The following USP35 variants were observed in gnomAD, a reference collection of about 807,000 sequenced individuals.
USP35 encodes the protein ubiquitin carboxyl-terminal hydrolase 35.
A neutral mutation model predicts 83.8 loss-of-function variants in USP35; 69 were observed. The ratio of observed to expected loss-of-function variants is 0.82; its 90% confidence interval spans 0.68 to 1.01. The LOEUF (loss-of-function observed/expected upper bound fraction) is 1.01. Among genes scored for constraint, USP35 ranks in the 50% least tolerant of loss-of-function variants. The pLI is 0.00. For missense variants in USP35, 1,503 were observed against 1,362.5 expected (o/e 1.10, Z -1.62); for synonymous variants, 714 against 589.5 (o/e 1.21, Z -3.06).
intron 6 of USP35, among the ~76,000 whole-genome samples, chr11:78,202,806 C>T (rs891787305): frequency 4.6e-5 from 7 of 152,134 alleles, no homozygotes; most frequent in Non-Finnish European, 8.8e-5. Flanking sequence ...GTTTCTACAT[C>T]GAAAGGGAGG....
At chr11:78,208,835 C>T (rs756743312) in intron 8 of USP35, 22 bp from the exon 9 acceptor site, 2 of 1,613,370 alleles carry the variant, frequency 1.2e-6, no homozygotes, top group African/African-American at 2.7e-5. Context: ...CCTGACCATG[C>T]CTTTCGCCTG....
At chr11:78,226,468 G>A in the USP35 span, 1 of 1,611,172 alleles carries the variant, frequency 6.2e-7, no homozygotes, top group Non-Finnish European at 8.5e-7. Context: ...TACTGACCTC[G>A]GTGAAGTCGG....
At position 78,198,054 on chromosome 11, in the gene USP35, G is replaced by A. The variant is rs763730651; in HGVS notation, c.792G>A (p.Leu264=). 5 of 1,614,108 alleles carry A rather than the reference G, an allele frequency of 3.1e-6. No individual in the cohort carries two copies. The highest frequency in any genetic ancestry group is 1.7e-5 in the Admixed American group (1 of 60,012). Residue 264 remains leucine (L), a synonymous_variant, in exon 3 of 11, where the codon CTG becomes CTA. Coordinates refer to ENST00000529308, the MANE Select transcript of USP35 (RefSeq NM_020798.4). The stretch of plus-strand genomic sequence containing the variant: ...ACAGTGTGACAGACTCGCAGATGCT[G>A]ACTGCCATTAGCAGGTGGGACGCTG... ...NDDSVTDSQM[L]TAISRMIDWV... is the part of the protein sequence containing the mutation.
chr11:78,217,706 C>T (rs1249630651), downstream of USP35: 1 of 152,280 alleles, frequency 6.6e-6, no homozygotes, highest in African/African-American at 2.4e-5. Context: ...ATGCCCTACA[C>T]CCCGTCCCTG....
Position 78,205,861 on chromosome 11 carries a change from A to AGG in USP35, c.1218_1219dup (p.Asp407GlyfsTer67), listed in dbSNP as rs1287378587. 1 of 1,613,728 alleles carries AGG rather than the reference A, an allele frequency of 6.2e-7. No individual in the cohort carries two copies. The highest frequency in any genetic ancestry group is 8.5e-7 in the Non-Finnish European group (1 of 1,179,686). ...CCTCAGGACCTCCATGTTCCCAATG[A>AGG]GGACCGCATCAAGCAGCTGCTGGGG... On this transcript the variant is annotated frameshift_variant, in exon 7 of 11. Coordinates refer to ENST00000529308, the MANE Select transcript of USP35 (RefSeq NM_020798.4). LOFTEE classifies it high-confidence loss of function.
At chr11:78,205,333 C>T (rs746767053) in intron 6 of USP35, among the ~76,000 whole-genome samples, 8 of 152,288 alleles carry the variant, frequency 5.3e-5, no homozygotes, top group Non-Finnish European at 1.0e-4. Flanking sequence ...ACCATGAAAA[C>T]GTAGGATGCC....
At chr11:78,200,893 G>A in intron 6 of USP35, 85 bp downstream of exon 6, 1 of 1,498,954 alleles carries the variant, frequency 6.7e-7, no homozygotes, top group Non-Finnish European at 8.9e-7. Context: ...ACCACAGCTT[G>A]GTGGCAGTCC....
chr11:78,195,410 C>A (rs1264337926), intron 1 of USP35, among the ~76,000 whole-genome samples: 1 of 152,122 alleles, frequency 6.6e-6, no homozygotes, highest in African/African-American at 2.4e-5. Context: ...GGAGTCTAGC[C>A]AAGGGGTAGG....
In USP35 at chr11:78,210,370, G is replaced by GGTGGCC; in HGVS notation, c.2522_2527dup (p.Arg841_Gly842dup). ...CCTGCTGCTCCGCCTGCCACTGGCTGGTGGCCGTGGCCAGGCCTATGACCT... is the reference window on the plus strand; with the variant it reads ...CCTGCTGCTCCGCCTGCCACTGGCTGGTGGCCGTGGCCGTGGCCAGGCCTATGACCT... On this transcript the variant is annotated inframe_insertion, in exon 10 of 11. Coordinates refer to ENST00000529308, the MANE Select transcript of USP35 (RefSeq NM_020798.4). 1 of 1,613,598 alleles carries GGTGGCC rather than the reference G, an allele frequency of 6.2e-7. No homozygotes were observed. Among genetic ancestry groups the GGTGGCC allele is most frequent in the Non-Finnish European group, 8.5e-7 (1 of 1,179,942 alleles).
chr11:78,200,242 C>A lies in USP35; in HGVS notation c.1038+8C>A. 1 of 1,613,578 alleles carries A rather than the reference C, an allele frequency of 6.2e-7. No homozygotes were observed. The highest frequency in any genetic ancestry group is 8.5e-7 in the Non-Finnish European group (1 of 1,179,626). On this transcript the variant is annotated splice_region_variant and intron_variant, in intron 5 of 10. Coordinates refer to ENST00000529308, the MANE Select transcript of USP35 (RefSeq NM_020798.4). ...CACGAAGCCTTCCACCTGGTAAGGT[C>A]CCCTGCCTGCTGCCCCTGGTGAGGC...
At chr11:78,219,858 C>T (rs751136241), downstream of USP35, among the ~76,000 whole-genome samples, 18 of 152,174 alleles carry the variant, frequency 1.2e-4, no homozygotes, top group Non-Finnish European at 2.1e-4. Flanking sequence ...AGCTCTGCAC[C>T]CTTCTGTCTA....
Position 78,203,887 on chromosome 11 carries a change from C to CTTTTTTTT in USP35, c.1198-1951_1198-1950insTTTTTTTT, listed in dbSNP as rs200697593. On this transcript the variant is annotated intron_variant, in intron 6 of 10. Coordinates refer to ENST00000529308, the MANE Select transcript of USP35 (RefSeq NM_020798.4). ...GCCACTGTACCCAGCCCATATTTTT[C>CTTTTTTTT]TTTTCTTTTTTTTTTTTTTTTGAGA... Among the ~76,000 whole-genome samples, 51 of 124,438 alleles carry CTTTTTTTT rather than the reference C, an allele frequency of 4.1e-4. 3 individuals are homozygous for CTTTTTTTT. Among genetic ancestry groups the CTTTTTTTT allele is most frequent in the Middle Eastern group, 4.8e-3 (1 of 208 alleles). The allele number at this position is 124,438 out of a possible 152,430, so 81.6% of individuals were successfully genotyped here. A position where few individuals can be genotyped will look rare whatever the true frequency, so the allele number is the denominator to read the frequency against.
the USP35 span, among the ~76,000 whole-genome samples, chr11:78,226,072 A>G: frequency 3.3e-5 from 5 of 152,258 alleles, no homozygotes; most frequent in Non-Finnish European, 7.3e-5. Flanking sequence ...GCAGTCTGTT[A>G]GTCCACACAG....
chr11:78,210,571 G>A lies in USP35; in HGVS notation c.2716G>A (p.Val906Ile), dbSNP rs765092940. 2 of 1,613,378 alleles carry A rather than the reference G, an allele frequency of 1.2e-6. No homozygotes were observed. The highest frequency in any genetic ancestry group is 2.2e-5 in the East Asian group (1 of 44,878). The part of the protein sequence containing the change: ...TRVSFSSFES[V>I]SNVTSFFPKD... ...GGTGTCCTTCTCTTCCTTCGAATCT[G>A]TCAGCAACGTCACCTCCTTCTTCCC... The change falls in exon 10 of 11, where the codon GTC becomes ATC. Residue 906 changes from valine to isoleucine, a missense_variant. Transcript: ENST00000529308.
At position 78,196,495 on chromosome 11, in the gene USP35, C is replaced by G. The variant is rs1338235583; in HGVS notation, c.250C>G (p.Arg84Gly). The G allele has an allele frequency of 6.5e-6, 8 of 1,226,980 alleles. No homozygotes were observed. The highest frequency in any genetic ancestry group is 3.3e-5 in the African/African-American group (2 of 61,378). 76.0% of individuals were successfully genotyped at this position (1,226,980 alleles called of 1,614,324 possible). The change falls in exon 2 of 11, where the codon CGC (arginine) becomes GGC (glycine). Residue 84 changes from arginine to glycine, a missense_variant. Transcript: ENST00000529308. The surrounding 1 kb of genome is among the most constrained non-coding windows in gnomAD (Gnocchi z 4.8). ...DVFAEFFSAR[R>G]VLRLLQGGAG... The stretch of plus-strand genomic sequence containing the variant: ...CTTCGCCGAGTTCTTCAGCGCGCGT[C>G]GCGTGCTGCGCCTGCTGCAGGGTGG...
chr11:78,192,761 C>T (rs982884653), intron 1 of USP35, among the ~76,000 whole-genome samples: 3 of 152,162 alleles, frequency 2.0e-5, no homozygotes, highest in Non-Finnish European at 2.9e-5. Context: ...CGGTTTCATG[C>T]GGTTCAGTCT....
chr11:78,196,470 C>T lies in USP35; in HGVS notation c.225C>T (p.Val75=). The T allele has an allele frequency of 3.2e-6, 4 of 1,247,600 alleles. No individual in the cohort carries two copies. The South Asian group carries it at 7.0e-5, about 22-fold the overall frequency. The allele number at this position is 1,247,600 out of a possible 1,614,324, so 77.3% of individuals were successfully genotyped here. A position where few individuals can be genotyped will look rare whatever the true frequency, so the allele number is the denominator to read the frequency against. Residue 75 remains valine, a synonymous_variant, in exon 2 of 11, where the codon GTC becomes GTT. Transcript: ENST00000529308. The surrounding 1 kb of genome is among the most constrained non-coding windows in gnomAD (Gnocchi z 4.8). ...TGGCCGGCCGCCACCACCCCGACGTCTTCGCCGAGTTCTTCAGCGCGCGTC... is the reference window on the plus strand; with the variant it reads ...TGGCCGGCCGCCACCACCCCGACGTTTTCGCCGAGTTCTTCAGCGCGCGTC... ...LHVAGRHHPD[V]FAEFFSARRV...
chr11:78,212,939 C>T (rs970050460), intron 10 of USP35, among the ~76,000 whole-genome samples: 8 of 152,076 alleles, frequency 5.3e-5, no homozygotes, highest in Non-Finnish European at 7.4e-5. Context: ...CCACTACCCA[C>T]GTGAGCCTCC....
intron 1 of USP35, among the ~76,000 whole-genome samples, chr11:78,190,362 TGTTTAAGATTTTCAGG>T (rs1354479915): frequency 1.3e-5 from 2 of 152,218 alleles, no homozygotes; most frequent in Non-Finnish European, 2.9e-5. Context: ...TCTTGACTGA[TGTTTAAGATTTTCAGG>T]GTTTTTGATA....
Sources: allele counts gnomAD v4.1 joint callset (sites outside exome capture counted in the v4.1 genomes callset), GRCh38; gene constraint gnomAD v4.1.1; non-coding constraint Gnocchi (gnomAD v3.1); transcripts MANE v1.5; gene names NCBI Gene and HGNC (gene_info 2026-07-23, HGNC 2026-07-21).